Variants in CFAP47 observed in about 807,000 individuals in gnomAD.
CFAP47 encodes cilia and flagella associated protein 47.
In CFAP47, 29 loss-of-function variants were observed where a neutral mutation model predicts 148.1. The ratio of observed to expected loss-of-function variants is 0.20; its 90% CI spans 0.15 to 0.27. The LOEUF is 0.27. Among genes scored for constraint, CFAP47 ranks in the 10% least tolerant of loss-of-function variants. The pLI is 1.00. For synonymous variants in CFAP47, 664 were observed against 577.3 expected, an observed-to-expected ratio of 1.15 and a Z score of -2.15; for missense variants, 1,872 against 1,697.5, an observed-to-expected ratio of 1.10 and a Z score of -1.81.
At chrX:36,144,701 T>A in intron 35 of CFAP47, 1 of 1,026,236 alleles carries the variant, frequency 9.7e-7, no homozygotes, top group South Asian at 1.8e-5. Flanking sequence ...AGGGGGATAT[T>A]CAGTTTGCTT....
intron 33 of CFAP47, among the ~76,000 whole-genome samples, chrX:36,123,553 A>T (rs1938784470): frequency 9.0e-6 from 1 of 110,912 alleles, no homozygotes; most frequent in African/African-American, 3.3e-5. Context: ...GAGGAGCCTT[A>T]CCCTGTGGCC....
At chrX:36,244,828 T>A (rs954553568) in intron 48 of CFAP47, among the ~76,000 whole-genome samples, 1 of 111,142 alleles carries the variant, frequency 9.0e-6, no homozygotes, top group African/African-American at 3.3e-5. Context: ...TTCCAAAAAA[T>A]TGAGGAGGGG....
At chrX:36,240,054 A>G (rs1408020456) in intron 48 of CFAP47, among the ~76,000 whole-genome samples, 1 of 112,293 alleles carries the variant, frequency 8.9e-6, no homozygotes, top group Non-Finnish European at 1.9e-5. Context: ...TACAGACTTT[A>G]CAGAATTAGT....
chrX:36,047,743 C>A (rs1346018894), intron 26 of CFAP47, among the ~76,000 whole-genome samples: 1 of 111,752 alleles, frequency 8.9e-6, no homozygotes, highest in Non-Finnish European at 1.9e-5. Context: ...TTAGAGGCGT[C>A]ATTTGTATAT....
At position 36,323,065 on chromosome X, in the gene CFAP47, A is replaced by C. The variant is rs782168611; in HGVS notation, c.8443+3758A>C. 5.4e-5 allele frequency among the ~76,000 whole-genome samples: 6 copies of C among 111,003 alleles called. No homozygotes were observed. The South Asian group carries it at 1.9e-3, about 35-fold the overall frequency. On this transcript the variant is annotated intron_variant, in intron 57 of 63. Transcript: ENST00000378653. Reference sequence around the variant, plus strand: ...CTATCATGTAACAGAAAAAGCATTTATACCCTTAAAACTAAGTGTTCCTAC... The same window carrying C: ...CTATCATGTAACAGAAAAAGCATTTCTACCCTTAAAACTAAGTGTTCCTAC...
chrX:36,192,981 C>T lies in CFAP47; in HGVS notation c.6321+2785C>T, dbSNP rs142505829. Among the ~76,000 whole-genome samples the T allele has an allele frequency of 4.9e-3, 549 of 111,608 alleles. 1 individual carries two copies. The highest frequency in any genetic ancestry group is 0.017 in the African/African-American group (521 of 30,690). The stretch of plus-strand genomic sequence containing the variant: ...GCAAGGCTTTCTTGTTGATTTATGG[C>T]CTATAATAATTTAGCCTAAGGGTAT... On this transcript the variant is annotated intron_variant, in intron 42 of 63. Transcript: ENST00000378653.
intron 18 of CFAP47, among the ~76,000 whole-genome samples, chrX:35,994,086 C>A (rs1253086381): frequency 9.1e-6 from 1 of 109,940 alleles, no homozygotes; most frequent in African/African-American, 3.3e-5. Context: ...CATGGTGAAA[C>A]CCCATCTCTA....
intron 33 of CFAP47, among the ~76,000 whole-genome samples, chrX:36,108,850 T>C (rs1014042605): frequency 9.3e-6 from 1 of 108,023 alleles, no homozygotes; most frequent in African/African-American, 3.4e-5. Context: ...GTTTGTTATA[T>C]AGGTAAACTC....
intron 36 of CFAP47, among the ~76,000 whole-genome samples, chrX:36,147,958 C>T (rs1939257982): frequency 9.3e-6 from 1 of 107,912 alleles, no homozygotes; most frequent in African/African-American, 3.6e-5. Context: ...TTGGTGATAC[C>T]TTGGCATCTT....
chrX:36,057,256 G>A (rs1937562098), intron 26 of CFAP47, among the ~76,000 whole-genome samples: 1 of 111,888 alleles, frequency 8.9e-6, no homozygotes, highest in African/African-American at 3.3e-5. Context: ...AGGTAATTAT[G>A]ACAAAGGGCA....
chrX:36,372,074 ATAATT>A (rs1371572650), intron 62 of CFAP47, among the ~76,000 whole-genome samples: 1 of 107,321 alleles, frequency 9.3e-6, no homozygotes, highest in Non-Finnish European at 1.9e-5. Context: ...CTAAATACAT[ATAATT>A]TAAGAAGTCT....
chrX:36,295,233 A>G (rs2146953745), intron 51 of CFAP47, among the ~76,000 whole-genome samples: 1 of 112,523 alleles, frequency 8.9e-6, no homozygotes, highest in East Asian at 2.8e-4. Flanking sequence ...TCAAGAAAAA[A>G]TCAGTCAAAA....
intron 39 of CFAP47, among the ~76,000 whole-genome samples, chrX:36,175,911 T>A (rs1939669483): frequency 8.8e-6 from 1 of 113,154 alleles, no homozygotes; most frequent in Non-Finnish European, 1.9e-5. Context: ...CGCTGCCGCC[T>A]TGCAGTTTGA....
At chrX:35,940,883 T>G (rs1049533909) in intron 2 of CFAP47, among the ~76,000 whole-genome samples, 1 of 111,698 alleles carries the variant, frequency 9.0e-6, no homozygotes, top group Non-Finnish European at 1.9e-5. Flanking sequence ...ACAGTGAATT[T>G]TTTAGAAATA....
chrX:36,260,093 GTA>G (rs36041601), intron 49 of CFAP47, among the ~76,000 whole-genome samples: 37,013 of 109,607 alleles, frequency 0.34, 7,042 homozygotes, highest in African/African-American at 0.72. Context: ...GTGTGTGTGT[GTA>G]TGTTTGTGTA....
chrX:36,063,555 G>C (rs1297499030), intron 26 of CFAP47, among the ~76,000 whole-genome samples: 1 of 111,871 alleles, frequency 8.9e-6, no homozygotes, highest in Non-Finnish European at 1.9e-5. Flanking sequence ...GTTTGTAAGA[G>C]AAACAAATAA....
At chrX:36,177,361 C>A (rs1247903955) in intron 39 of CFAP47, among the ~76,000 whole-genome samples, 1 of 111,794 alleles carries the variant, frequency 8.9e-6, no homozygotes, top group Admixed American at 9.5e-5. Context: ...TTAGCCAGAA[C>A]AGATTATCAC....
chrX:36,139,468 G>A (rs1939103202), intron 35 of CFAP47, among the ~76,000 whole-genome samples: 1 of 111,515 alleles, frequency 9.0e-6, no homozygotes, highest in African/African-American at 3.3e-5. Flanking sequence ...CATTATGGGG[G>A]ATAAAAGGCC....
intron 62 of CFAP47, among the ~76,000 whole-genome samples, chrX:36,370,862 C>A (rs1357298905): frequency 9.0e-6 from 1 of 111,097 alleles, no homozygotes; most frequent in Non-Finnish European, 1.9e-5. Flanking sequence ...AAAGGAACGA[C>A]CCCCTGTCCT....
Sources: gnomAD v4.1 joint callset for allele counts (sites outside exome capture counted in the v4.1 genomes callset) on GRCh38, gnomAD v4.1.1 for gene constraint, MANE v1.5 for transcripts, NCBI Gene and HGNC (gene_info 2026-07-23, HGNC 2026-07-21) for gene names.